Variants in KCNC2 observed in about 807,000 individuals in gnomAD.
KCNC2 encodes the protein potassium voltage-gated channel subfamily C member 2.
In KCNC2, 21 loss-of-function variants were observed where a neutral mutation model predicts 44.5. The observed-to-expected ratio is 0.47, with a 90% CI of 0.33 to 0.68. KCNC2 has a LOEUF of 0.68. KCNC2 is among the 30% of genes least tolerant of loss of function. The pLI is 0.01. For missense variants in KCNC2, 589 were observed against 826.2 expected (o/e 0.71, Z 3.52); for synonymous variants, 391 against 339.1 (o/e 1.15, Z -1.68).
chr12:75,164,963 T>C (rs1891350147), intron 2 of KCNC2, among the ~76,000 whole-genome samples: 1 of 151,646 alleles, frequency 6.6e-6, no homozygotes, highest in Non-Finnish European at 1.5e-5. Flanking sequence ...ATGCCAGTTA[T>C]AACCATTGTT....
intron 2 of KCNC2, among the ~76,000 whole-genome samples, chr12:75,121,269 G>A (rs1592916057): frequency 6.6e-6 from 1 of 152,116 alleles, no homozygotes; most frequent in East Asian, 1.9e-4. Context: ...GTCTCATAAA[G>A]AAACCAAGCA....
intron 2 of KCNC2, among the ~76,000 whole-genome samples, chr12:75,112,562 C>T (rs1002356062): frequency 2.0e-5 from 3 of 151,908 alleles, no homozygotes; most frequent in African/African-American, 7.2e-5. Context: ...TTATCTGATC[C>T]AGTATTTCCT....
chr12:75,174,565 T>A (rs1892053933), intron 2 of KCNC2, among the ~76,000 whole-genome samples: 1 of 151,900 alleles, frequency 6.6e-6, no homozygotes, highest in African/African-American at 2.4e-5. Flanking sequence ...AACACATGAA[T>A]TTTATTTGAC....
intron 2 of KCNC2, among the ~76,000 whole-genome samples, chr12:75,129,037 T>C (rs1349207886): frequency 6.6e-6 from 1 of 152,222 alleles, no homozygotes; most frequent in Non-Finnish European, 1.5e-5. Context: ...AAAGCATGGT[T>C]CATAATGAGG....
rs569138899 is a variant in KCNC2, at chr12:75,182,391, C to T, written c.687+24906G>A. Among the ~76,000 whole-genome samples, 33 of 151,412 alleles carry T rather than the reference C, an allele frequency of 2.2e-4. 2 individuals carry two copies. In the South Asian group the frequency reaches 5.4e-3, roughly 25 times the overall value. On this transcript the variant is annotated intron_variant, in intron 2 of 4. Coordinates refer to ENST00000549446, the MANE Select transcript of KCNC2 (RefSeq NM_139137.4). Reference sequence around the variant, plus strand: ...TACAAAAATTAGCGGGGCGTGGTGGCGGGTGCCTGTAGTCCCAGCTACTTG... The same window carrying T: ...TACAAAAATTAGCGGGGCGTGGTGGTGGGTGCCTGTAGTCCCAGCTACTTG...
intron 2 of KCNC2, among the ~76,000 whole-genome samples, chr12:75,136,359 T>C (rs942555713): frequency 2.0e-5 from 3 of 151,802 alleles, no homozygotes; most frequent in East Asian, 1.9e-4. Context: ...TAAGTGAAAC[T>C]GAGACCAAGA....
intron 2 of KCNC2, among the ~76,000 whole-genome samples, chr12:75,155,447 C>A (rs372546998): frequency 6.6e-6 from 1 of 151,682 alleles, no homozygotes; most frequent in African/African-American, 2.4e-5. Context: ...GAAAAATAAA[C>A]TTGCAATCAT....
intron 2 of KCNC2, among the ~76,000 whole-genome samples, chr12:75,111,755 G>A (rs1487291077): frequency 6.6e-6 from 1 of 152,030 alleles, no homozygotes; most frequent in African/African-American, 2.4e-5. Flanking sequence ...TAGACTAGAA[G>A]AGGATGAAGG....
intron 2 of KCNC2, among the ~76,000 whole-genome samples, chr12:75,135,738 G>T (rs1200782501): frequency 6.6e-6 from 1 of 151,896 alleles, no homozygotes; most frequent in Non-Finnish European, 1.5e-5. Flanking sequence ...CAATAGATTT[G>T]ATCTCTACCC....
intron 2 of KCNC2, among the ~76,000 whole-genome samples, chr12:75,093,178 A>G (rs938489644): frequency 1.3e-5 from 2 of 151,654 alleles, no homozygotes; most frequent in African/African-American, 4.8e-5. Flanking sequence ...CATAAACATA[A>G]AAATAAATGT....
chr12:75,072,271 A>G (rs1372504212), intron 2 of KCNC2, among the ~76,000 whole-genome samples: 1 of 152,180 alleles, frequency 6.6e-6, no homozygotes, highest in Non-Finnish European at 1.5e-5. Context: ...GACAGTTTTG[A>G]GCACTGTGTG....
At chr12:75,061,282 C>G (rs372755797) in intron 2 of KCNC2, among the ~76,000 whole-genome samples, 26 of 151,842 alleles carry the variant, frequency 1.7e-4, no homozygotes, top group African/African-American at 6.1e-4. Context: ...AAACAACAAA[C>G]AGAATAGGAA....
chr12:75,068,564 A>G (rs1299893370), intron 2 of KCNC2, among the ~76,000 whole-genome samples: 1 of 152,206 alleles, frequency 6.6e-6, no homozygotes, highest in Non-Finnish European at 1.5e-5. Flanking sequence ...AGCTACATAA[A>G]CAAATTAAAG....
At chr12:75,165,916 TA>T (rs1241276884) in intron 2 of KCNC2, among the ~76,000 whole-genome samples, 1 of 151,382 alleles carries the variant, frequency 6.6e-6, no homozygotes, top group African/African-American at 2.4e-5. Context: ...TGTGTGTAAA[TA>T]AAAACTATAT....
chr12:75,132,193 G>T (rs1888901049), intron 2 of KCNC2, among the ~76,000 whole-genome samples: 1 of 151,982 alleles, frequency 6.6e-6, no homozygotes, highest in Non-Finnish European at 1.5e-5. Context: ...GATACTGCAG[G>T]TAATGAGCTT....
intron 2 of KCNC2, among the ~76,000 whole-genome samples, chr12:75,051,706 G>A (rs1159680940): frequency 6.6e-6 from 1 of 152,080 alleles, no homozygotes; most frequent in Non-Finnish European, 1.5e-5. Context: ...TTATGCATAT[G>A]ATCAAGTTTT....
At chr12:75,169,539 T>G (rs1891675225) in intron 2 of KCNC2, among the ~76,000 whole-genome samples, 1 of 151,578 alleles carries the variant, frequency 6.6e-6, no homozygotes, top group Non-Finnish European at 1.5e-5. Context: ...TCTCTTTAGC[T>G]CCTACGAAAG....
At chr12:75,178,725 A>G (rs181833864) in intron 2 of KCNC2, among the ~76,000 whole-genome samples, 1 of 152,094 alleles carries the variant, frequency 6.6e-6, no homozygotes, top group Non-Finnish European at 1.5e-5. Context: ...GATAATACAC[A>G]TGAAAACATT....
intron 2 of KCNC2, among the ~76,000 whole-genome samples, chr12:75,198,549 A>G (rs1282014943): frequency 4.0e-5 from 6 of 151,848 alleles, no homozygotes; most frequent in African/African-American, 1.4e-4. Context: ...TGATAAGTCA[A>G]ACTGTAATAA....
Sources: gnomAD v4.1 joint callset for allele counts (sites outside exome capture counted in the v4.1 genomes callset) on GRCh38, gnomAD v4.1.1 for gene constraint, MANE v1.5 for transcripts, NCBI Gene and HGNC (gene_info 2026-07-23, HGNC 2026-07-21) for gene names.